The following PRKAA2 variants were observed in gnomAD, a reference collection of about 807,000 sequenced individuals.
PRKAA2 encodes protein kinase AMP-activated catalytic subunit alpha 2, also known as 5'-AMP-activated protein kinase catalytic subunit alpha-2.
PRKAA2 carries 40 observed loss-of-function variants against 56.3 expected under a neutral mutation model. The observed-to-expected ratio is 0.71, with a 90% CI of 0.55 to 0.92. PRKAA2 has a LOEUF of 0.92. Among genes scored for constraint, PRKAA2 ranks in the 40% least tolerant of loss-of-function variants. PRKAA2 has a pLI of 0.00. For missense variants in PRKAA2, 542 were observed against 686.9 expected (o/e 0.79, Z 2.36); for synonymous variants, 214 against 234.2 (o/e 0.91, Z 0.79).
intron 2 of PRKAA2, among the ~76,000 whole-genome samples, chr1:56,680,293 T>A (rs1421943829): frequency 6.6e-6 from 1 of 152,188 alleles, no homozygotes; most frequent in Non-Finnish European, 1.5e-5. Context: ...GCACATTTTC[T>A]TATTGGTATT....
intron 1 of PRKAA2, among the ~76,000 whole-genome samples, chr1:56,668,462 T>C (rs1382350447): frequency 1.3e-5 from 2 of 151,618 alleles, no homozygotes; most frequent in African/African-American, 2.4e-5. Flanking sequence ...CAGTGGAGCA[T>C]GTGAAATTAA....
intron 6 of PRKAA2, among the ~76,000 whole-genome samples, chr1:56,700,941 A>T (rs921673341): frequency 3.3e-5 from 5 of 152,158 alleles, no homozygotes; most frequent in African/African-American, 1.2e-4. Context: ...AGGGCAACTT[A>T]AAAAGCCACA....
At chr1:56,649,499 T>C (rs1646669744) in intron 1 of PRKAA2, among the ~76,000 whole-genome samples, 1 of 152,118 alleles carries the variant, frequency 6.6e-6, no homozygotes, top group African/African-American at 2.4e-5. Context: ...CTGGGCAGCA[T>C]AGGGAGACCC....
intron 1 of PRKAA2, among the ~76,000 whole-genome samples, chr1:56,655,280 A>ATATATATTTTTTTTTTTTTTTT: frequency 4.3e-5 from 4 of 93,654 alleles, no homozygotes; most frequent in African/African-American, 4.5e-5. Context: ...ATATATATAT[A>ATATATATTTTTTTTTTTTTTTT]TTTTTTTTTT....
At chr1:56,646,517 ATTTGT>A (rs1382701079) in intron 1 of PRKAA2, among the ~76,000 whole-genome samples, 1 of 152,198 alleles carries the variant, frequency 6.6e-6, no homozygotes, top group East Asian at 1.9e-4. Context: ...TGGAACTTTC[ATTTGT>A]TTTCTTTTTT....
chr1:56,659,011 AG>A (rs1419568140), intron 1 of PRKAA2, among the ~76,000 whole-genome samples: 1 of 146,780 alleles, frequency 6.8e-6, no homozygotes, highest in Non-Finnish European at 1.5e-5. Flanking sequence ...CTATGTTGCC[AG>A]GGCTGGTCTG....
chr1:56,647,194 T>C (rs913705104), intron 1 of PRKAA2, among the ~76,000 whole-genome samples: 2 of 152,194 alleles, frequency 1.3e-5, no homozygotes, highest in African/African-American at 4.8e-5. Flanking sequence ...TTAAGATGAA[T>C]ACAGGACAAT....
intron 1 of PRKAA2, among the ~76,000 whole-genome samples, chr1:56,663,334 C>T (rs893358053): frequency 2.6e-5 from 4 of 152,154 alleles, no homozygotes; most frequent in Admixed American, 2.0e-4. Flanking sequence ...GCGATCCTCT[C>T]GCCCCTGTTT....
intron 1 of PRKAA2, among the ~76,000 whole-genome samples, chr1:56,672,939 G>C (rs1338720224): frequency 6.6e-6 from 1 of 152,098 alleles, no homozygotes; most frequent in East Asian, 1.9e-4. Context: ...GTTTTGGAGG[G>C]TATATGATTT....
rs370849312 is a variant in PRKAA2 at position 56,708,591 on chromosome 1, C to G, written c.*878C>G. ...AAACAAAGCAAAGTATCAACAGTCCCTTAAATGAGAATCCTTATCTTTGAT... is the reference window on the plus strand; with the variant it reads ...AAACAAAGCAAAGTATCAACAGTCCGTTAAATGAGAATCCTTATCTTTGAT... On this transcript the variant is annotated 3_prime_UTR_variant, in exon 9 of 9. Coordinates refer to ENST00000371244, the MANE Select transcript of PRKAA2 (RefSeq NM_006252.4). The G allele has an allele frequency of 2.2e-4, 34 of 152,284 alleles. No individual in the cohort carries two copies. The East Asian group carries it at 2.9e-3, about 13-fold the overall frequency. The allele number at this position is 152,284 out of a possible 1,614,324, so 9.4% of individuals were successfully genotyped here.
At chr1:56,668,944 G>A (rs1388061668) in intron 1 of PRKAA2, among the ~76,000 whole-genome samples, 1 of 152,160 alleles carries the variant, frequency 6.6e-6, no homozygotes, top group Non-Finnish European at 1.5e-5. Context: ...AAAGCATCCA[G>A]AAAGTGGCAA....
intron 6 of PRKAA2, among the ~76,000 whole-genome samples, chr1:56,696,689 A>G (rs1644261041): frequency 6.6e-6 from 1 of 152,210 alleles, no homozygotes; most frequent in South Asian, 2.1e-4. Context: ...TATTTTACAT[A>G]TGGTTAAAGA....
At chr1:56,692,547 A>C (rs964494971) in intron 4 of PRKAA2, 45 bp downstream of exon 4, 4 of 1,572,798 alleles carry the variant, frequency 2.5e-6, no homozygotes, top group Non-Finnish European at 3.5e-6. Context: ...GCTACCTTTT[A>C]AAGCATAACA....
intron 2 of PRKAA2, among the ~76,000 whole-genome samples, chr1:56,685,581 T>C (rs1026304206): frequency 1.3e-5 from 2 of 152,216 alleles, no homozygotes; most frequent in Non-Finnish European, 2.9e-5. Context: ...AGACACATTA[T>C]ATGCCTTTGG....
intron 1 of PRKAA2, among the ~76,000 whole-genome samples, chr1:56,654,323 C>T (rs1643925049): frequency 6.6e-6 from 1 of 152,092 alleles, no homozygotes; most frequent in African/African-American, 2.4e-5. Flanking sequence ...TTTGGTACTG[C>T]TTTGTAATAA....
At chr1:56,688,025 A>C (rs1644204128) in intron 2 of PRKAA2, among the ~76,000 whole-genome samples, 1 of 152,194 alleles carries the variant, frequency 6.6e-6, no homozygotes, top group Admixed American at 6.5e-5. Context: ...GAGAAGTATG[A>C]GTGATTCATG....
intron 1 of PRKAA2, among the ~76,000 whole-genome samples, chr1:56,670,646 T>C (rs1644068555): frequency 1.3e-5 from 2 of 152,190 alleles, no homozygotes; most frequent in African/African-American, 2.4e-5. Flanking sequence ...GCAGAAGATA[T>C]TGGGGGACAA....
rs142427417 is a variant in PRKAA2, at chr1:56,679,051, G to A, written c.236+4529G>A. Among the ~76,000 whole-genome samples, 37 of 152,120 alleles carry A rather than the reference G, an allele frequency of 2.4e-4. 1 individual carries two copies. In the Middle Eastern group the frequency reaches 0.01, roughly 42 times the overall value. ...GGCCTGCTTTTTAACATCATTAACC[G>A]CCAGCACCACCTTGAAATGTTGTCT... On this transcript the variant is annotated intron_variant, in intron 2 of 8. Transcript: ENST00000371244.
chr1:56,648,811 T>C (rs1479549774), intron 1 of PRKAA2, among the ~76,000 whole-genome samples: 1 of 152,232 alleles, frequency 6.6e-6, no homozygotes, highest in African/African-American at 2.4e-5. Context: ...GGACTAATGA[T>C]GTTGAACATT....
Sources: allele counts gnomAD v4.1 joint callset (sites outside exome capture counted in the v4.1 genomes callset), GRCh38; gene constraint gnomAD v4.1.1; transcripts MANE v1.5; gene names NCBI Gene and HGNC (gene_info 2026-07-23, HGNC 2026-07-21).